The following TNIP3 variants were observed in gnomAD, a reference collection of about 807,000 sequenced individuals.
TNIP3 encodes TNFAIP3-interacting protein 3.
In TNIP3, 34 loss-of-function variants were observed where a neutral mutation model predicts 54.1. The ratio of observed to expected loss-of-function variants is 0.63; its 90% confidence interval spans 0.48 to 0.84. The LOEUF (loss-of-function observed/expected upper bound fraction) is 0.84. TNIP3 is among the 40% of genes least tolerant of loss of function. TNIP3 has a pLI of 0.00. For synonymous variants in TNIP3, 134 were observed against 136.8 expected (o/e 0.98, Z 0.14); for missense variants, 366 against 387.6 (o/e 0.94, Z 0.47).
At chr4:121,202,958 A>G (rs557656942) in intron 2 of TNIP3, among the ~76,000 whole-genome samples, 1 of 152,148 alleles carries the variant, frequency 6.6e-6, no homozygotes, top group Non-Finnish European at 1.5e-5. Flanking sequence ...TGAAAAGGGA[A>G]CACTTTTACA....
chr4:121,178,145 A>G (rs1233352647), intron 3 of TNIP3, among the ~76,000 whole-genome samples: 1 of 152,234 alleles, frequency 6.6e-6, no homozygotes, highest in African/African-American at 2.4e-5. Flanking sequence ...TAGAAAGTAC[A>G]GGGCAATTGT....
chr4:121,182,588 G>A, intron 3 of TNIP3: 1 of 1,437,718 alleles, frequency 7.0e-7, no homozygotes, highest in Non-Finnish European at 9.3e-7. Flanking sequence ...GACGGTAAAT[G>A]ACTTGGGGAC....
At chr4:121,227,280 T>C (rs1727297439) in intron 1 of TNIP3, 3 of 1,035,134 alleles carry the variant, frequency 2.9e-6, no homozygotes, top group Non-Finnish European at 4.3e-6. Context: ...ATATATGTCT[T>C]TTTAATATGA....
intron 3 of TNIP3, among the ~76,000 whole-genome samples, chr4:121,180,514 T>C (rs892191929): frequency 6.6e-6 from 1 of 152,212 alleles, no homozygotes; most frequent in African/African-American, 2.4e-5. Flanking sequence ...AAAATGACCA[T>C]TGGATTTATC....
chr4:121,143,616 G>A (rs200862512), intron 7 of TNIP3, among the ~76,000 whole-genome samples: 4 of 152,228 alleles, frequency 2.6e-5, no homozygotes, highest in East Asian at 1.9e-4. Context: ...AAGTCACCAC[G>A]GACACTGAAT....
chr4:121,136,902 A>AT (rs1319168007), intron 10 of TNIP3, among the ~76,000 whole-genome samples: 2 of 147,844 alleles, frequency 1.4e-5, no homozygotes, highest in Non-Finnish European at 3.0e-5. Context: ...CATCATGGAG[A>AT]TTTTTTTGTT....
At chr4:121,141,721 G>T (rs141902132) in intron 9 of TNIP3, 95 bp downstream of exon 9, 8 of 799,020 alleles carry the variant, frequency 1.0e-5, no homozygotes, top group Non-Finnish European at 1.4e-5. Flanking sequence ...AGAGGCTCTT[G>T]CTGTAGATAA....
intron 2 of TNIP3, among the ~76,000 whole-genome samples, chr4:121,215,974 T>A (rs534220842): frequency 6.6e-6 from 1 of 151,106 alleles, no homozygotes; most frequent in African/African-American, 2.4e-5. Flanking sequence ...AGCGCCTAAG[T>A]AAGGGATTTT....
At position 121,216,426 on chromosome 4, in the gene TNIP3, T is replaced by A. The variant is rs549339690; in HGVS notation, c.57A>T (p.Glu19Asp). 1.5e-4 allele frequency: 235 copies of A among 1,535,568 alleles called. No homozygotes were observed. The African/African-American group carries it at 2.8e-3, about 18-fold the overall frequency. ...TAAACTGTTATTACCTTTCAGAATC[T>A]TCAGATTGATTGGTGAACATTACCA... The change falls in exon 2 of 13, where the codon GAA becomes GAT. Residue 19 changes from glutamate to aspartate, a missense_variant. Glu to Asp is a conservative substitution (Grantham distance 45, BLOSUM62 2). Coordinates refer to the TNIP3 transcript ENST00000507879.
chr4:121,166,691 G>A (rs1009738442), upstream of TNIP3, among the ~76,000 whole-genome samples: 42 of 152,336 alleles, frequency 2.8e-4, no homozygotes, highest in African/African-American at 9.6e-4. Context: ...CTTAAAATTA[G>A]TCCAAGAGGA....
intron 2 of TNIP3, among the ~76,000 whole-genome samples, chr4:121,200,529 C>G (rs1725824256): frequency 6.6e-6 from 1 of 152,040 alleles, no homozygotes; most frequent in East Asian, 1.9e-4. Context: ...TTCATAGAGA[C>G]CCCCGAGCAC....
At chr4:121,147,004 A>C (rs759072862) in intron 7 of TNIP3, 45 bp downstream of exon 7, 1 of 1,557,356 alleles carries the variant, frequency 6.4e-7, no homozygotes, top group African/African-American at 1.4e-5. Context: ...AAATGAAAAA[A>C]ATATACATAC....
intron 7 of TNIP3, among the ~76,000 whole-genome samples, chr4:121,144,502 A>G (rs988901975): frequency 1.3e-5 from 2 of 152,124 alleles, no homozygotes; most frequent in Non-Finnish European, 2.9e-5. Context: ...CCTGGGTTCA[A>G]GTGATTCTCC....
chr4:121,217,745 G>T (rs924791656), upstream of TNIP3, among the ~76,000 whole-genome samples: 2 of 152,158 alleles, frequency 1.3e-5, no homozygotes, highest in Non-Finnish European at 2.9e-5. Flanking sequence ...AAACATGAAG[G>T]CTTAAATATT....
chr4:121,219,330 CCCT>C (rs1310641936), upstream of TNIP3, among the ~76,000 whole-genome samples: 2 of 152,100 alleles, frequency 1.3e-5, no homozygotes, highest in Non-Finnish European at 2.9e-5. Flanking sequence ...CCTTTTTCCT[CCCT>C]CCTCCTCCTT....
intron 3 of TNIP3, among the ~76,000 whole-genome samples, chr4:121,179,680 G>A (rs1724564805): frequency 6.6e-6 from 1 of 152,146 alleles, no homozygotes; most frequent in Non-Finnish European, 1.5e-5. Flanking sequence ...GTGAACGAAA[G>A]ATGGCACTAT....
At chr4:121,221,533 T>A (rs1727025250), upstream of TNIP3, among the ~76,000 whole-genome samples, 1 of 152,210 alleles carries the variant, frequency 6.6e-6, no homozygotes, top group African/African-American at 2.4e-5. Context: ...AAAGGATATG[T>A]TACACATTTT....
At chr4:121,163,192 G>A (rs1730560583) in intron 1 of TNIP3, among the ~76,000 whole-genome samples, 2 of 152,148 alleles carry the variant, frequency 1.3e-5, no homozygotes, top group African/African-American at 4.8e-5. Flanking sequence ...TAGTGACTAG[G>A]AATGGCATGT....
rs577335547 is a variant in TNIP3, at chr4:121,142,095, C to A, written c.787-181G>T. ...ACCAATACAAACGAGGCTCACAGGT[C>A]AAGTTTTACCTAAGGTGAAACTATA... On this transcript the variant is annotated intron_variant, in intron 8 of 10. Transcript: ENST00000057513. Among the ~76,000 whole-genome samples, 3 of 152,226 alleles carry A rather than the reference C, an allele frequency of 2.0e-5. No homozygotes were observed. The South Asian group carries it at 6.2e-4, about 32-fold the overall frequency.
Sources: gnomAD v4.1 joint callset for allele counts (sites outside exome capture counted in the v4.1 genomes callset) on GRCh38, gnomAD v4.1.1 for gene constraint, MANE v1.5 for transcripts, NCBI Gene and HGNC (gene_info 2026-07-23, HGNC 2026-07-21) for gene names.